The following SYCP1 variants were observed in gnomAD, a reference collection of about 807,000 sequenced individuals.
SYCP1 encodes cancer/testis antigen 8.
In SYCP1, 64 loss-of-function variants were observed where a neutral mutation model predicts 153.1. The observed-to-expected ratio is 0.42, with a 90% CI of 0.34 to 0.51. The LOEUF (loss-of-function observed/expected upper bound fraction) is 0.51, where lower values mean the gene tolerates loss of function less well. Ranked by LOEUF, SYCP1 falls within the 20% of genes least tolerant of loss-of-function variation. The pLI is 0.06. For synonymous variants in SYCP1, 384 were observed against 341.8 expected, an observed-to-expected ratio of 1.12 and a Z score of -1.36; for missense variants, 997 against 1,049.0, an observed-to-expected ratio of 0.95 and a Z score of 0.68.
rs1189630807 is a variant in SYCP1 at position 114,885,576 on chromosome 1, C to T, written c.952C>T (p.His318Tyr). 2 of 1,583,276 alleles carry T rather than the reference C, an allele frequency of 1.3e-6. No individual in the cohort carries two copies. Among genetic ancestry groups the T allele is most frequent in the Non-Finnish European group, 1.7e-6 (2 of 1,164,410 alleles). ...ENLKQSIEKQ[H>Y]HLTKELEDIK... ...CTTAAAACAATCAATTGAGAAACAG[C>T]ATCATTTGACTAAAGAACTAGAAGA... The change falls in exon 13 of 32, where the codon CAT (histidine) becomes TAT (tyrosine). Residue 318 changes from histidine (H) to tyrosine (Y), a missense_variant. Transcript: ENST00000369522.
intron 27 of SYCP1, among the ~76,000 whole-genome samples, chr1:114,965,213 T>C (rs1672041529): frequency 6.6e-6 from 1 of 152,218 alleles, no homozygotes; most frequent in African/African-American, 2.4e-5. Flanking sequence ...TGATTTTGTA[T>C]CCTGAGTTTG....
At chr1:114,894,341 T>G (rs1253608423) in intron 15 of SYCP1, among the ~76,000 whole-genome samples, 1 of 152,178 alleles carries the variant, frequency 6.6e-6, no homozygotes, top group Non-Finnish European at 1.5e-5. Flanking sequence ...CTATTACATT[T>G]CCATTAATCA....
At position 114,945,123 on chromosome 1, in the gene SYCP1, C is replaced by A. The variant is rs575389776; in HGVS notation, c.2154+141C>A. On this transcript the variant is annotated intron_variant, in intron 25 of 31. Coordinates refer to ENST00000369522, the MANE Select transcript of SYCP1 (RefSeq NM_003176.4). ...CAGTGACTGTCTATAGCTAGAATAC[C>A]CTTGATGCCCATTTCTTCAAGTTCA... 9.3e-5 allele frequency: 56 copies of A among 602,026 alleles called. No homozygotes were observed. The African/African-American group carries it at 9.6e-4, about 10-fold the overall frequency. 37.3% of individuals were successfully genotyped at this position (602,026 alleles called of 1,614,324 possible). A position where few individuals can be genotyped will look rare whatever the true frequency, so the allele number is the denominator to read the frequency against.
intron 6 of SYCP1, 90 bp from the exon 7 acceptor site, chr1:114,859,653 A>G (rs1399388317): frequency 6.5e-6 from 4 of 614,304 alleles, no homozygotes; most frequent in South Asian, 2.5e-5. Context: ...ACCATTGTGT[A>G]TTAGTAAAGA....
intron 21 of SYCP1, among the ~76,000 whole-genome samples, chr1:114,923,897 G>A (rs1461722325): frequency 8.5e-5 from 13 of 152,056 alleles, no homozygotes; most frequent in Admixed American, 8.5e-4. Flanking sequence ...AAGATAATAA[G>A]GTGTTTAGGG....
intron 26 of SYCP1, among the ~76,000 whole-genome samples, chr1:114,946,639 A>C (rs959306934): frequency 3.3e-5 from 5 of 152,098 alleles, no homozygotes; most frequent in African/African-American, 1.2e-4. Context: ...TGAAATTGGG[A>C]GAGGAGGGTG....
At chr1:114,864,216 G>T (rs1172030405) in intron 8 of SYCP1, among the ~76,000 whole-genome samples, 3 of 152,110 alleles carry the variant, frequency 2.0e-5, no homozygotes, top group Admixed American at 2.0e-4. Flanking sequence ...GGTGATAACT[G>T]CTTAAGGAGA....
At chr1:114,891,990 TG>T (rs1666736940) in intron 15 of SYCP1, among the ~76,000 whole-genome samples, 1 of 152,126 alleles carries the variant, frequency 6.6e-6, no homozygotes, top group South Asian at 2.1e-4. Flanking sequence ...ATGGACTGTG[TG>T]GGCCAGTCCG....
At chr1:114,950,878 G>A (rs1287467352) in intron 27 of SYCP1, among the ~76,000 whole-genome samples, 1 of 149,028 alleles carries the variant, frequency 6.7e-6, no homozygotes, top group African/African-American at 2.5e-5. Flanking sequence ...AGGCTGGAGT[G>A]CAGTGGTGCA....
At chr1:114,988,910 A>G (rs541487799) in intron 30 of SYCP1, among the ~76,000 whole-genome samples, 1 of 152,106 alleles carries the variant, frequency 6.6e-6, no homozygotes, top group East Asian at 1.9e-4. Context: ...GGCTGGGCAC[A>G]GTGGCTCACA....
chr1:114,881,056 T>TAC (rs67335338), intron 12 of SYCP1, among the ~76,000 whole-genome samples: 7,906 of 144,826 alleles, frequency 0.055, 323 homozygotes, highest in African/African-American at 0.11. Context: ...TTTGTGTATA[T>TAC]ACACACACAC....
chr1:114,983,814 AC>A (rs1255935194), intron 29 of SYCP1, among the ~76,000 whole-genome samples: 1 of 152,016 alleles, frequency 6.6e-6, no homozygotes, highest in African/African-American at 2.4e-5. Flanking sequence ...ACAAGTTTTT[AC>A]CAATATTTTT....
intron 16 of SYCP1, among the ~76,000 whole-genome samples, chr1:114,901,589 A>G (rs1431570940): frequency 6.6e-6 from 1 of 152,200 alleles, no homozygotes; most frequent in African/African-American, 2.4e-5. Flanking sequence ...GTAAAATGGC[A>G]AAGGCTAGAA....
At chr1:114,925,749 A>G (rs1669210825) in intron 21 of SYCP1, among the ~76,000 whole-genome samples, 1 of 152,180 alleles carries the variant, frequency 6.6e-6, no homozygotes. Context: ...GTACAAGACA[A>G]TTTAAAAAAT....
chr1:114,875,174 ATGTGTGTGTGTG>A (rs60673306), intron 9 of SYCP1, among the ~76,000 whole-genome samples: 1 of 139,562 alleles, frequency 7.2e-6, no homozygotes, highest in Non-Finnish European at 1.6e-5. Flanking sequence ...TGTATTTGAT[ATGTGTGTGTGTG>A]TGTGTGTGTG....
intron 8 of SYCP1, among the ~76,000 whole-genome samples, chr1:114,866,307 G>A (rs970515844): frequency 2.0e-5 from 3 of 152,212 alleles, no homozygotes; most frequent in African/African-American, 7.2e-5. Flanking sequence ...AGCAGTGAAT[G>A]AGAGTTTCTG....
chr1:114,949,488 TTCAGCCTAG>T (rs1670952767), intron 27 of SYCP1, among the ~76,000 whole-genome samples: 1 of 152,188 alleles, frequency 6.6e-6, no homozygotes, highest in Non-Finnish European at 1.5e-5. Context: ...TAGTTAAGAA[TTCAGCCTAG>T]TCAGCTAAGT....
At chr1:114,895,289 C>T (rs1666982008) in intron 15 of SYCP1, among the ~76,000 whole-genome samples, 159 bp from the exon 16 acceptor site, 1 of 152,016 alleles carries the variant, frequency 6.6e-6, no homozygotes, top group East Asian at 1.9e-4. Flanking sequence ...ATTAGCTTTT[C>T]ATAGTTAGAT....
intron 16 of SYCP1, among the ~76,000 whole-genome samples, chr1:114,902,984 G>A (rs552802914): frequency 5.9e-5 from 9 of 152,010 alleles, no homozygotes; most frequent in South Asian, 2.1e-4. Context: ...GTTCGAGATC[G>A]GCCTAGACAG....
Sources: gnomAD v4.1 joint callset for allele counts (sites outside exome capture counted in the v4.1 genomes callset) on GRCh38, gnomAD v4.1.1 for gene constraint, MANE v1.5 for transcripts, NCBI Gene and HGNC (gene_info 2026-07-23, HGNC 2026-07-21) for gene names.